The following MAGI2 variants were observed in gnomAD, a reference collection of about 807,000 sequenced individuals.
MAGI2 encodes membrane associated guanylate kinase, WW and PDZ domain containing 2.
Under a neutral mutation model 133.3 loss-of-function variants are expected in MAGI2, and 35 were observed. The observed-to-expected ratio is 0.26, with a 90% confidence interval of 0.20 to 0.35. The LOEUF (loss-of-function observed/expected upper bound fraction) is 0.35. Ranked by LOEUF, MAGI2 falls within the 10% of genes least tolerant of loss-of-function variation. The pLI, the probability that MAGI2 is intolerant of heterozygous loss-of-function variation, is 1.00. For missense variants in MAGI2, 1,636 were observed against 1,863.4 expected, an observed-to-expected ratio of 0.88 and a Z score of 2.25; for synonymous variants, 729 against 710.6, an observed-to-expected ratio of 1.03 and a Z score of -0.41.
intron 3 of MAGI2, among the ~76,000 whole-genome samples, chr7:78,526,748 G>A (rs779543237): frequency 6.6e-6 from 1 of 151,958 alleles, no homozygotes; most frequent in Non-Finnish European, 1.5e-5. Context: ...CGTGGCTCAC[G>A]CCTGTAATCC....
intron 1 of MAGI2, among the ~76,000 whole-genome samples, chr7:79,418,164 G>T (rs1436954707): frequency 6.6e-6 from 1 of 152,028 alleles, no homozygotes; most frequent in Non-Finnish European, 1.5e-5. Flanking sequence ...AAATAATGGT[G>T]CACCTTAAAT....
At position 78,523,494 on chromosome 7, in the gene MAGI2, TAAAATAA is replaced by T. The variant is rs574776965; in HGVS notation, c.539-1856_539-1850del. On this transcript the variant is annotated intron_variant, in intron 3 of 21. Transcript: ENST00000354212. ...ACTCCATCTCAAAAAAATAAATAAATAAAATAAAAAATAAAAAATAAAAAACATTGCC... is the reference window on the plus strand; with the variant it reads ...ACTCCATCTCAAAAAAATAAATAAATAAAATAAAAAATAAAAAACATTGCC... Among the ~76,000 whole-genome samples, 508 of 151,438 alleles carry T rather than the reference TAAAATAA, an allele frequency of 3.4e-3. 4 individuals carry two copies. The highest frequency in any genetic ancestry group is 0.012 in the African/African-American group (485 of 41,254).
At chr7:78,308,770 A>G (rs148494544) in intron 9 of MAGI2, among the ~76,000 whole-genome samples, 225 of 152,300 alleles carry the variant, frequency 1.5e-3, no homozygotes, top group African/African-American at 5.3e-3. Context: ...TCAGTCACTT[A>G]GGAAACTGCT....
intron 21 of MAGI2, among the ~76,000 whole-genome samples, chr7:78,029,145 G>T (rs967203054): frequency 3.3e-5 from 5 of 152,208 alleles, no homozygotes; most frequent in Non-Finnish European, 7.3e-5. Flanking sequence ...AAGGTCTGAA[G>T]ATACCAAACC....
At chr7:78,723,634 G>A (rs1317387329) in intron 2 of MAGI2, among the ~76,000 whole-genome samples, 1 of 149,796 alleles carries the variant, frequency 6.7e-6, no homozygotes, top group Non-Finnish European at 1.5e-5. Context: ...GGTGTAGAGT[G>A]AGGAAATAAC....
intron 12 of MAGI2, among the ~76,000 whole-genome samples, chr7:78,192,229 C>A (rs900286866): frequency 2.0e-5 from 3 of 151,592 alleles, no homozygotes; most frequent in Non-Finnish European, 4.4e-5. Context: ...ACTGATTTTT[C>A]CCCCCCCAGG....
intron 2 of MAGI2, among the ~76,000 whole-genome samples, chr7:78,931,741 AG>A (rs1315077367): frequency 6.6e-6 from 1 of 152,114 alleles, no homozygotes; most frequent in African/African-American, 2.4e-5. Context: ...CCTACACCAC[AG>A]GGTAACTTGC....
intron 6 of MAGI2, among the ~76,000 whole-genome samples, chr7:78,410,944 A>T (rs1374624481): frequency 6.6e-6 from 1 of 152,058 alleles, no homozygotes. Flanking sequence ...ATATTGGGAT[A>T]ATTAAAGATG....
intron 3 of MAGI2, among the ~76,000 whole-genome samples, chr7:78,557,101 G>GAAAA (rs1227670617): frequency 2.0e-5 from 2 of 99,404 alleles, no homozygotes; most frequent in African/African-American, 9.1e-5. Flanking sequence ...AAAAAAAAAA[G>GAAAA]AAAAAGAAAA....
intron 2 of MAGI2, among the ~76,000 whole-genome samples, chr7:78,952,248 A>G (rs1157432049): frequency 6.6e-6 from 1 of 152,118 alleles, no homozygotes; most frequent in East Asian, 1.9e-4. Flanking sequence ...GGGTGGGGTC[A>G]TTGTCTCTGC....
rs1240412525 is a variant in MAGI2 at position 78,073,036 on chromosome 7, C to A, written c.3706+5911G>T. Reference sequence around the variant, plus strand: ...CTACATAGAGGCCAGTACTGCTTCACCTGCTGCTCTAATATAATTGTTGTA... The same window carrying A: ...CTACATAGAGGCCAGTACTGCTTCAACTGCTGCTCTAATATAATTGTTGTA... On this transcript the variant is annotated intron_variant, in intron 21 of 21. Coordinates refer to ENST00000354212, the MANE Select transcript of MAGI2 (RefSeq NM_012301.4). 1.0e-4 allele frequency: 41 copies of A among 398,332 alleles called. No homozygotes were observed. The East Asian group carries it at 1.5e-3, about 14-fold the overall frequency. 24.7% of individuals were successfully genotyped at this position (398,332 alleles called of 1,614,324 possible). A position where few individuals can be genotyped will look rare whatever the true frequency, so the allele number is the denominator to read the frequency against.
chr7:78,915,819 A>T (rs916257133), intron 2 of MAGI2, among the ~76,000 whole-genome samples: 2 of 151,950 alleles, frequency 1.3e-5, no homozygotes, highest in Admixed American at 6.6e-5. Flanking sequence ...GGATATAGAT[A>T]ATAATATGGC....
Position 79,324,467 on chromosome 7 carries a change from G to A in MAGI2, c.301+128553C>T, listed in dbSNP as rs1384640406. 6.0e-5 allele frequency among the ~76,000 whole-genome samples: 4 copies of A among 66,502 alleles called. 2 individuals carry two copies. The highest frequency in any genetic ancestry group is 8.4e-4 in the South Asian group (2 of 2,374). The allele number at this position is 66,502 out of a possible 152,430, so 43.6% of individuals were successfully genotyped here. On this transcript the variant is annotated intron_variant, in intron 1 of 21. Transcript: ENST00000354212. ...TATATATATGGTTATAGATAGATAC[G>A]TTGTGTGTGTATATATACATATATA...
chr7:79,063,731 A>G (rs1410813384), intron 1 of MAGI2, among the ~76,000 whole-genome samples: 1 of 152,114 alleles, frequency 6.6e-6, no homozygotes, highest in Non-Finnish European at 1.5e-5. Context: ...ACATATTTCT[A>G]CACCAATCCA....
chr7:78,879,596 T>A (rs1563615615), intron 2 of MAGI2, among the ~76,000 whole-genome samples: 1 of 151,808 alleles, frequency 6.6e-6, no homozygotes, highest in Non-Finnish European at 1.5e-5. Flanking sequence ...CCTAACCACA[T>A]GAAAATAATT....
chr7:78,235,465 G>A (rs1254538049), intron 10 of MAGI2, among the ~76,000 whole-genome samples: 1 of 152,166 alleles, frequency 6.6e-6, no homozygotes, highest in Non-Finnish European at 1.5e-5. Flanking sequence ...AACCCAGTGG[G>A]AAGTAATTTA....
intron 6 of MAGI2, among the ~76,000 whole-genome samples, chr7:78,426,525 G>A (rs1799293512): frequency 6.6e-6 from 1 of 152,034 alleles, no homozygotes; most frequent in Admixed American, 6.6e-5. Context: ...GTTAGTGGGT[G>A]CAGCGCACCA....
intron 9 of MAGI2, among the ~76,000 whole-genome samples, chr7:78,314,404 G>C (rs1179339348): frequency 6.6e-6 from 1 of 152,150 alleles, no homozygotes; most frequent in Non-Finnish European, 1.5e-5. Context: ...TTGTAAGACA[G>C]ATAATTTGCT....
chr7:78,113,581 C>T (rs1388235047), intron 20 of MAGI2, among the ~76,000 whole-genome samples: 1 of 152,098 alleles, frequency 6.6e-6, no homozygotes, highest in Non-Finnish European at 1.5e-5. Flanking sequence ...CTACAGTATT[C>T]AGTACAATAA....
Sources: allele counts gnomAD v4.1 joint callset (sites outside exome capture counted in the v4.1 genomes callset), GRCh38; gene constraint gnomAD v4.1.1; transcripts MANE v1.5; gene names NCBI Gene and HGNC (gene_info 2026-07-23, HGNC 2026-07-21).